Variants in GRIP1 observed in about 807,000 individuals in gnomAD.
The protein encoded by GRIP1 is glutamate receptor interacting protein 1.
In GRIP1, 45 loss-of-function variants were observed where a neutral mutation model predicts 129.9. The observed-to-expected ratio is 0.35, with a 90% CI of 0.27 to 0.44. The LOEUF (loss-of-function observed/expected upper bound fraction) is 0.44. Ranked by LOEUF, GRIP1 falls within the 20% of genes least tolerant of loss-of-function variation. The pLI is 1.00. For synonymous variants in GRIP1, 530 were observed against 520.8 expected (o/e 1.02, Z -0.24); for missense variants, 1,196 against 1,396.8 (o/e 0.86, Z 2.29).
At chr12:66,681,529 T>C (rs1031690808), upstream of GRIP1, among the ~76,000 whole-genome samples, 1 of 152,176 alleles carries the variant, frequency 6.6e-6, no homozygotes, top group African/African-American at 2.4e-5. Context: ...CAGAGTGACC[T>C]ACATTTCTTG....
intron 19 of GRIP1, among the ~76,000 whole-genome samples, chr12:66,389,277 G>T (rs2056484542): frequency 6.6e-6 from 1 of 152,148 alleles, no homozygotes; most frequent in Non-Finnish European, 1.5e-5. Context: ...TGCCCAGGCT[G>T]GAGTGCAGTG....
chr12:66,568,388 G>C (rs1243140742), intron 2 of GRIP1: 2 of 169,956 alleles, frequency 1.2e-5, no homozygotes, highest in Non-Finnish European at 2.5e-5. Context: ...AGAAAAAATG[G>C]TGGAAGATCT....
intron 2 of GRIP1, among the ~76,000 whole-genome samples, chr12:66,580,978 G>C (rs1031400536): frequency 5.3e-4 from 80 of 152,084 alleles, no homozygotes; most frequent in Non-Finnish European, 8.8e-4. Flanking sequence ...CCACACCACA[G>C]CTATTCCAAA....
At chr12:67,060,029 C>T (rs113390302) in intron 1 of GRIP1, among the ~76,000 whole-genome samples, 2 of 152,222 alleles carry the variant, frequency 1.3e-5, no homozygotes, top group African/African-American at 4.8e-5. Context: ...TATGGAACCC[C>T]ATGCCTGTGA....
At chr12:67,029,270 A>G (rs1342962407) in intron 1 of GRIP1, among the ~76,000 whole-genome samples, 1 of 151,680 alleles carries the variant, frequency 6.6e-6, no homozygotes, top group Non-Finnish European at 1.5e-5. Flanking sequence ...TTTTGGAGTC[A>G]TGTTGTTGTT....
intron 1 of GRIP1, among the ~76,000 whole-genome samples, chr12:66,748,488 G>A (rs1350202310): frequency 6.6e-6 from 1 of 152,174 alleles, no homozygotes; most frequent in East Asian, 1.9e-4. Context: ...ACTTGTTCTT[G>A]CCAGGTTGCC....
intron 16 of GRIP1, among the ~76,000 whole-genome samples, chr12:66,405,230 GCAAA>G (rs530960035): frequency 2.0e-4 from 31 of 152,160 alleles, no homozygotes; most frequent in African/African-American, 7.0e-4. Flanking sequence ...TACGGTTTAG[GCAAA>G]CAAACAAAAA....
chr12:66,719,093 G>C (rs2136436418), intron 1 of GRIP1, among the ~76,000 whole-genome samples: 1 of 152,218 alleles, frequency 6.6e-6, no homozygotes, highest in African/African-American at 2.4e-5. Context: ...GGACTGTCCT[G>C]GATGGGGTGT....
At chr12:66,889,805 T>C (rs1192126655) in intron 1 of GRIP1, among the ~76,000 whole-genome samples, 1 of 152,232 alleles carries the variant, frequency 6.6e-6, no homozygotes, top group African/African-American at 2.4e-5. Flanking sequence ...ACATTTCTAA[T>C]AGTAATAATA....
At chr12:66,450,193 A>C (rs890836855) in intron 11 of GRIP1, among the ~76,000 whole-genome samples, 3 of 150,224 alleles carry the variant, frequency 2.0e-5, no homozygotes, top group African/African-American at 7.4e-5. Context: ...AGTCCCAGCT[A>C]CTCGGGAGGC....
At chr12:66,778,585 C>T (rs996125747) in intron 1 of GRIP1, among the ~76,000 whole-genome samples, 6 of 152,082 alleles carry the variant, frequency 3.9e-5, no homozygotes, top group South Asian at 4.1e-4. Flanking sequence ...AAGACAGTGT[C>T]GTTTTTCTGC....
At chr12:67,022,593 C>A (rs552837961) in intron 1 of GRIP1, among the ~76,000 whole-genome samples, 1 of 152,274 alleles carries the variant, frequency 6.6e-6, no homozygotes, top group Admixed American at 6.5e-5. Flanking sequence ...TCCTTGCCAA[C>A]CCTTAGTGAG....
upstream of GRIP1, among the ~76,000 whole-genome samples, chr12:66,809,185 T>C (rs1029204745): frequency 1.3e-5 from 2 of 152,226 alleles, no homozygotes; most frequent in African/African-American, 4.8e-5. Flanking sequence ...ATTTACATGA[T>C]TTCCGTACTC....
At chr12:66,578,263 A>G (rs1284003912) in intron 2 of GRIP1, among the ~76,000 whole-genome samples, 2 of 89,300 alleles carry the variant, frequency 2.2e-5, no homozygotes, top group Admixed American at 1.3e-4. Flanking sequence ...AAAATACAAA[A>G]TTGAGGGGAG....
chr12:66,599,463 C>T (rs545876038), intron 1 of GRIP1, among the ~76,000 whole-genome samples: 5 of 152,172 alleles, frequency 3.3e-5, no homozygotes, highest in Non-Finnish European at 7.4e-5. Flanking sequence ...TTAAGAGTGT[C>T]TCTTTATTTT....
At chr12:66,966,216 T>C (rs963910225) in intron 1 of GRIP1, among the ~76,000 whole-genome samples, 4 of 152,176 alleles carry the variant, frequency 2.6e-5, no homozygotes, top group African/African-American at 7.2e-5. Context: ...GCAGAAATTA[T>C]TGAAACTGGA....
At chr12:66,601,852 A>G (rs1030418574) in intron 1 of GRIP1, among the ~76,000 whole-genome samples, 6 of 152,354 alleles carry the variant, frequency 3.9e-5, no homozygotes, top group African/African-American at 1.2e-4. Context: ...ATTAAATGCC[A>G]CACAATTTAG....
At chr12:66,422,208 A>G (rs545947304) in intron 14 of GRIP1, among the ~76,000 whole-genome samples, 4 of 152,364 alleles carry the variant, frequency 2.6e-5, no homozygotes, top group African/African-American at 7.2e-5. Flanking sequence ...ACATTTAAAG[A>G]AAAAGAAAAC....
Position 66,398,376 on chromosome 12 carries a change from C to T in GRIP1, c.1985-4024G>A, listed in dbSNP as rs1350602984. ...CACGCCATTCTCCCCCATCCCAATC[C>T]AATCTGCTAAATTCTCTCTTCATAG... On this transcript the variant is annotated intron_variant, in intron 16 of 24. Coordinates refer to ENST00000359742, the MANE Select transcript of GRIP1 (RefSeq NM_001366722.1). Among the ~76,000 whole-genome samples the T allele has an allele frequency of 2.0e-5, 3 of 152,088 alleles. No homozygotes were observed. In the East Asian group the frequency reaches 5.8e-4, roughly 29 times the overall value.
Sources: allele counts gnomAD v4.1 joint callset (sites outside exome capture counted in the v4.1 genomes callset), GRCh38; gene constraint gnomAD v4.1.1; transcripts MANE v1.5; gene names NCBI Gene and HGNC (gene_info 2026-07-23, HGNC 2026-07-21).